Variants in SPANXD observed in about 807,000 individuals in gnomAD.
The protein encoded by SPANXD is sperm protein associated with the nucleus on the X chromosome D.
A neutral mutation model predicts 1.8 loss-of-function variants in SPANXD; 2 were observed. That is an observed-to-expected ratio of 1.10 (90% CI 0.45 to 3.47). SPANXD has a LOEUF of 3.47. Ranked by LOEUF, SPANXD falls within the 30% of genes most tolerant of loss-of-function variation. The pLI is 0.08. For synonymous variants in SPANXD, 30 were observed against 32.9 expected (o/e 0.91, Z 0.30); for missense variants, 80 against 81.6 (o/e 0.98, Z 0.07).
rs868977919 is a variant in SPANXD at position 141,697,443 on chromosome X, G to C, written c.*22C>G. The C allele has an allele frequency of 8.3e-7, 1 of 1,206,746 alleles. No individual in the cohort carries two copies. The highest frequency in any genetic ancestry group is 1.1e-6 in the Non-Finnish European group (1 of 894,301). On this transcript the variant is annotated 3_prime_UTR_variant, in exon 2 of 2. Transcript: ENST00000370515. Reference sequence around the variant, plus strand: ...CTCAAACTTTATTGTCATTGCCCAAGGTTGAGAGATGTAGCTTCTTGCTAC... The same window carrying C: ...CTCAAACTTTATTGTCATTGCCCAACGTTGAGAGATGTAGCTTCTTGCTAC...
Position 141,698,630 on chromosome X carries a change from C to A in SPANXD, c.-225G>T. ...GCTGACCACTCCCTGGGCTTGCGGG[C>A]GAGGGGTGACAGGGGTGTAGAGCAA... is the stretch of plus-strand genomic sequence containing the variant. On this transcript the variant is annotated 5_prime_UTR_variant, in exon 1 of 2. Coordinates refer to ENST00000370515, the MANE Select transcript of SPANXD (RefSeq NM_032417.4). 2.1e-6 allele frequency: 1 copy of A among 478,449 alleles called. No individual in the cohort carries two copies. Among genetic ancestry groups the A allele is most frequent in the Admixed American group, 4.0e-5 (1 of 24,757 alleles). The allele number at this position is 478,449 out of a possible 1,213,427, so 39.4% of individuals were successfully genotyped here. A position where few individuals can be genotyped will look rare whatever the true frequency, so the allele number is the denominator to read the frequency against.
In SPANXD at chrX:141,698,556, C is replaced by A. The variant is rs2016823701; in HGVS notation, c.-151G>T. ...CTTTGTTTGATCATACAGGCAGTGT[C>A]CCAGCCAATGGCAGCCCTAGGGTGG... On this transcript the variant is annotated 5_prime_UTR_variant, in exon 1 of 2. Transcript: ENST00000370515. 1 of 843,401 alleles carries A rather than the reference C, an allele frequency of 1.2e-6. No individual in the cohort carries two copies. The highest frequency in any genetic ancestry group is 2.1e-5 in the African/African-American group (1 of 47,641). 69.5% of individuals were successfully genotyped at this position (843,401 alleles called of 1,213,427 possible).
chrX:141,697,873 C>T (rs782254623), intron 1 of SPANXD, among the ~76,000 whole-genome samples, 187 bp from the exon 2 acceptor site: 1 of 77,567 alleles, frequency 1.3e-5, no homozygotes, highest in Admixed American at 1.5e-4. Context: ...TGGGTAGGGT[C>T]ACCTGTGAGT....
At position 141,698,682 on chromosome X, in the gene SPANXD, C is replaced by T. The variant is rs2016825229; in HGVS notation, c.-277G>A. 2 of 340,486 alleles carry T rather than the reference C, an allele frequency of 5.9e-6. No individual in the cohort carries two copies. Among genetic ancestry groups the T allele is most frequent in the Non-Finnish European group, 1.1e-5 (2 of 189,880 alleles). The allele number at this position is 340,486 out of a possible 1,213,427, so 28.1% of individuals were successfully genotyped here. A position where few individuals can be genotyped will look rare whatever the true frequency, so the allele number is the denominator to read the frequency against. On this transcript the variant is annotated 5_prime_UTR_variant, in exon 1 of 2. Coordinates refer to ENST00000370515, the MANE Select transcript of SPANXD (RefSeq NM_032417.4). ...CCAAATGCTGCTGTTGTTTCAGCAT[C>T]CCCTGAAGATGCATCCCAAACCGAT...
rs1413469135 is a variant in SPANXD, at chrX:141,697,618, G to C, written c.141C>G (p.Ser47=). ...TGTAGCGAACCACTAGTATGGTCGA[G>C]GACTCAGATGTTTTTAGTTTTTTCG... ...PAPKKLKTSE[S]STILVVRYRR... Residue 47 remains serine, a synonymous_variant, in exon 2 of 2, where the codon TCC becomes TCG. Transcript: ENST00000370515. 6.7e-6 allele frequency: 8 copies of C among 1,187,774 alleles called. 1 individual carries two copies. The highest frequency in any genetic ancestry group is 9.1e-6 in the Non-Finnish European group (8 of 880,428).
rs1363448893 is a variant in SPANXD, at chrX:141,698,655, A to G, written c.-250T>C. ...CGAGGGGTGACAGGGGTGTAGAGCA[A>G]ACCAAATGCTGCTGTTGTTTCAGCA... On this transcript the variant is annotated 5_prime_UTR_variant, in exon 1 of 2. Transcript: ENST00000370515. The G allele has an allele frequency of 2.3e-5, 9 of 388,480 alleles. No homozygotes were observed. The highest frequency in any genetic ancestry group is 4.1e-5 in the Non-Finnish European group (9 of 217,560). The allele number at this position is 388,480 out of a possible 1,213,427, so 32.0% of individuals were successfully genotyped here. A position where few individuals can be genotyped will look rare whatever the true frequency, so the allele number is the denominator to read the frequency against.
rs1349481481 is a variant in SPANXD at position 141,697,606 on chromosome X, T to A, written c.153A>T (p.Leu51=). Residue 51 remains leucine, a synonymous_variant, in exon 2 of 2, where the codon CTA becomes CTT. Transcript: ENST00000370515. The part of the protein sequence containing the change: ...KLKTSESSTI[L]VVRYRRNFKR... ...TAAAGTTCCTCCTGTAGCGAACCAC[T>A]AGTATGGTCGAGGACTCAGATGTTT... is the stretch of plus-strand genomic sequence containing the variant. 3 of 1,199,632 alleles carry A rather than the reference T, an allele frequency of 2.5e-6. No individual in the cohort carries two copies. Among genetic ancestry groups the A allele is most frequent in the Non-Finnish European group, 3.4e-6 (3 of 888,929 alleles).
rs1556402448 is a variant in SPANXD at position 141,697,706 on chromosome X, A to G, written c.73-20T>C. The G allele has an allele frequency of 5.9e-6, 7 of 1,190,778 alleles. No individual in the cohort carries two copies. Among genetic ancestry groups the G allele is most frequent in the Non-Finnish European group, 6.8e-6 (6 of 880,205 alleles). On this transcript the variant is annotated intron_variant, in intron 1 of 1. Transcript: ENST00000370515. Reference sequence around the variant, plus strand: ...CGGCATCTGTTAAGAAAACAGGGAGAGGCCAGGAGGACATTATTTTGGGTG... The same window carrying G: ...CGGCATCTGTTAAGAAAACAGGGAGGGGCCAGGAGGACATTATTTTGGGTG...
Position 141,697,657 on chromosome X carries a change from G to A in SPANXD, c.102C>T (p.Asp34=), listed in dbSNP as rs782144858. ...MMPETSSGYS[D]PQPAPKKLKT... is the part of the protein sequence containing the mutation. ...TTAGTTTTTTCGGAGCAGGTTGCGGGTCTGAGTACCCACTCGAGGTCTCCG... is the reference window on the plus strand; with the variant it reads ...TTAGTTTTTTCGGAGCAGGTTGCGGATCTGAGTACCCACTCGAGGTCTCCG... Residue 34 remains aspartate, a synonymous_variant, in exon 2 of 2, where the codon GAC becomes GAT. Transcript: ENST00000370515. 2 of 1,188,573 alleles carry A rather than the reference G, an allele frequency of 1.7e-6. No homozygotes were observed. Among genetic ancestry groups the A allele is most frequent in the Non-Finnish European group, 2.3e-6 (2 of 880,322 alleles).
In SPANXD at chrX:141,697,695, A is replaced by G; in HGVS notation, c.73-9T>C. On this transcript the variant is annotated splice_polypyrimidine_tract_variant and intron_variant, in intron 1 of 1. Coordinates refer to ENST00000370515, the MANE Select transcript of SPANXD (RefSeq NM_032417.4). ...CTCGAGGTCTCCGGCATCTGTTAAG[A>G]AAACAGGGAGAGGCCAGGAGGACAT... is the stretch of plus-strand genomic sequence containing the variant. The G allele has an allele frequency of 8.4e-7, 1 of 1,194,050 alleles. No individual in the cohort carries two copies. The highest frequency in any genetic ancestry group is 1.1e-6 in the Non-Finnish European group (1 of 882,972).
Position 141,697,670 on chromosome X carries a change from C to T in SPANXD, c.89G>A (p.Ser30Asn), listed in dbSNP as rs369000240. The T allele has an allele frequency of 2.5e-6, 3 of 1,186,640 alleles. No individual in the cohort carries two copies. Among genetic ancestry groups the T allele is most frequent in the East Asian group, 3.0e-5 (1 of 33,539 alleles). ...EANEMMPETS[S>N]GYSDPQPAPK... ...AGCAGGTTGCGGGTCTGAGTACCCA[C>T]TCGAGGTCTCCGGCATCTGTTAAGA... is the stretch of plus-strand genomic sequence containing the variant. The change falls in exon 2 of 2, where the codon AGT (serine) becomes AAT (asparagine). Residue 30 changes from serine (S) to asparagine (N), a missense_variant. Ser to Asn is a conservative substitution (Grantham distance 46). Around this residue, in one of 2 missense-constraint regions of SPANXD, gnomAD observed 78 missense variants for 58.7 expected, o/e 1.33. Transcript: ENST00000370515.
At position 141,697,715 on chromosome X, in the gene SPANXD, G is replaced by C. The variant is rs369098862; in HGVS notation, c.73-29C>G. 70 of 1,187,055 alleles carry C rather than the reference G, an allele frequency of 5.9e-5. No homozygotes were observed. The African/African-American group carries it at 7.6e-4, about 13-fold the overall frequency. Reference sequence around the variant, plus strand: ...TTAAGAAAACAGGGAGAGGCCAGGAGGACATTATTTTGGGTGAACAGGATA... The same window carrying C: ...TTAAGAAAACAGGGAGAGGCCAGGACGACATTATTTTGGGTGAACAGGATA... On this transcript the variant is annotated intron_variant, in intron 1 of 1. Coordinates refer to ENST00000370515, the MANE Select transcript of SPANXD (RefSeq NM_032417.4).
rs2016820717 is a variant in SPANXD, at chrX:141,698,336, T to G, written c.70A>C (p.Met24Leu). The change falls in exon 1 of 2, where the codon ATG becomes CTG. Residue 24 changes from methionine (M) to leucine (L), a missense_variant and splice_region_variant. By Grantham distance (15) the Met-to-Leu change is conservative. This residue lies in a region of SPANXD where 2 missense variants were observed against 22.9 expected (regional missense o/e 0.09). Coordinates refer to ENST00000370515, the MANE Select transcript of SPANXD (RefSeq NM_032417.4). ...VPCDSNEANE[M>L]MPETSSGYSD... The stretch of plus-strand genomic sequence containing the variant: ...ACTTCAGAACCTAACAGTCTTACCA[T>G]CTCGTTGGCCTCGTTGGAATCACAG... The G allele has an allele frequency of 8.4e-7, 1 of 1,184,409 alleles. No individual in the cohort carries two copies. Among genetic ancestry groups the G allele is most frequent in the African/African-American group, 2.0e-5 (1 of 50,385 alleles).
chrX:141,697,642 C>T lies in SPANXD; in HGVS notation c.117G>A (p.Pro39=), dbSNP rs16993699. ...AGGACTCAGATGTTTTTAGTTTTTT[C>T]GGAGCAGGTTGCGGGTCTGAGTACC... is the stretch of plus-strand genomic sequence containing the variant. The part of the protein sequence containing the change: ...SSGYSDPQPA[P]KKLKTSESST... Residue 39 remains proline, a synonymous_variant, in exon 2 of 2, where the codon CCG becomes CCA. Transcript: ENST00000370515. 0.014 allele frequency: 16,314 copies of T among 1,182,600 alleles called. 601 individuals are homozygous for T. Among genetic ancestry groups the T allele is most frequent in the African/African-American group, 0.093 (4,942 of 53,015 alleles).
chrX:141,698,479 T>C lies in SPANXD; in HGVS notation c.-74A>G. On this transcript the variant is annotated 5_prime_UTR_variant, in exon 1 of 2. Coordinates refer to ENST00000370515, the MANE Select transcript of SPANXD (RefSeq NM_032417.4). ...AATCTTCTCAGTGGCCCGGAGCTCT[T>C]GCCCTCCCTATGTATACCCTCCTGG... 8.5e-7 allele frequency: 1 copy of C among 1,175,958 alleles called. No homozygotes were observed. Among genetic ancestry groups the C allele is most frequent in the East Asian group, 3.0e-5 (1 of 33,618 alleles).
At chrX:141,697,731 G>T in intron 1 of SPANXD, 45 bp from the exon 2 acceptor site, 1 of 1,162,186 alleles carries the variant, frequency 8.6e-7, no homozygotes, top group African/African-American at 1.8e-5. Context: ...TATTTTGGGT[G>T]AACAGGATAG....
chrX:141,697,636 T>C lies in SPANXD; in HGVS notation c.123A>G (p.Lys41=), dbSNP rs144161963. 27,801 of 1,186,335 alleles carry C rather than the reference T, an allele frequency of 0.023. 1,145 individuals are homozygous for C. Among genetic ancestry groups the C allele is most frequent in the Non-Finnish European group, 0.027 (23,360 of 879,796 alleles). The change falls in exon 2 of 2, where the codon AAA becomes AAG. Residue 41 remains lysine (K), a synonymous_variant. Transcript: ENST00000370515. ...TGGTCGAGGACTCAGATGTTTTTAG[T>C]TTTTTCGGAGCAGGTTGCGGGTCTG... ...GYSDPQPAPK[K]LKTSESSTIL... is the part of the protein sequence containing the mutation.
rs138079856 is a variant in SPANXD at position 141,697,487 on chromosome X, A to G, written c.272T>C (p.Met91Thr). 246 of 1,206,944 alleles carry G rather than the reference A, an allele frequency of 2.0e-4. No individual in the cohort carries two copies. In the African/African-American group the frequency reaches 3.6e-3, roughly 18 times the overall value. ...QMEEEEFMEIMVEIPAK is the reference protein window; with the variant it reads ...QMEEEEFMEITVEIPAK ...TTGCTACTTTGCAGGTATTTCAACC[A>G]TTATTTCCATGAATTCCTCCTCCTC... Residue 91 changes from methionine (M) to threonine (T), a missense_variant, in exon 2 of 2, where the codon ATG becomes ACG. Met to Thr is a moderately conservative substitution (Grantham distance 81). Around this residue, in one of 2 missense-constraint regions of SPANXD, gnomAD observed 78 missense variants for 58.7 expected, o/e 1.33. Coordinates refer to ENST00000370515, the MANE Select transcript of SPANXD (RefSeq NM_032417.4).
In SPANXD at chrX:141,698,506, G is replaced by A. The variant is rs1556402768; in HGVS notation, c.-101C>T. 15 of 741,349 alleles carry A rather than the reference G, an allele frequency of 2.0e-5. No homozygotes were observed. The highest frequency in any genetic ancestry group is 6.2e-5 in the Admixed American group (2 of 32,503). The allele number at this position is 741,349 out of a possible 1,213,427, so 61.1% of individuals were successfully genotyped here. On this transcript the variant is annotated 5_prime_UTR_variant, in exon 1 of 2. Coordinates refer to ENST00000370515, the MANE Select transcript of SPANXD (RefSeq NM_032417.4). ...CCCTCCCTATGTATACCCTCCTGGT[G>A]ACAAGGCAAAGCCACACCCTTGAGC...
Sources: allele counts gnomAD v4.1 joint callset (sites outside exome capture counted in the v4.1 genomes callset), GRCh38; gene constraint gnomAD v4.1.1; regional missense constraint gnomAD v4.1.1; transcripts MANE v1.5; gene names NCBI Gene and HGNC (gene_info 2026-07-23, HGNC 2026-07-21).